Variants in NDUFA10 observed in about 807,000 individuals in gnomAD.
The protein encoded by NDUFA10 is NADH:ubiquinone oxidoreductase subunit A10.
A neutral mutation model predicts 47.8 loss-of-function variants in NDUFA10; 40 were observed. That is an observed-to-expected ratio of 0.84 (90% CI 0.65 to 1.09). The LOEUF (loss-of-function observed/expected upper bound fraction) is 1.09. Ranked by LOEUF, NDUFA10 falls within the 50% of genes least tolerant of loss-of-function variation. The pLI is 0.00. For synonymous variants in NDUFA10, 183 were observed against 172.2 expected (o/e 1.06, Z -0.49); for missense variants, 413 against 451.1 (o/e 0.92, Z 0.76).
chr2:239,900,844 A>G (rs539916202), intron 4 of NDUFA10, among the ~76,000 whole-genome samples: 7 of 152,386 alleles, frequency 4.6e-5, no homozygotes, highest in Non-Finnish European at 8.8e-5. Context: ...TGGAGCCAGC[A>G]GAGGTTGACT....
At chr2:239,915,063 AC>A (rs1403762901) in intron 4 of NDUFA10, among the ~76,000 whole-genome samples, 19 of 146,154 alleles carry the variant, frequency 1.3e-4, no homozygotes, top group Admixed American at 3.5e-4. Flanking sequence ...ACAGACACAC[AC>A]AAATATACAG....
chr2:240,007,721 G>A (rs1302476386), intron 6 of NDUFA10, among the ~76,000 whole-genome samples: 1 of 152,188 alleles, frequency 6.6e-6, no homozygotes, highest in African/African-American at 2.4e-5. Context: ...ACATACCATC[G>A]CCAAAGGCAG....
At position 240,000,925 on chromosome 2, in the gene NDUFA10, C is replaced by A. The variant is rs564220819; in HGVS notation, c.890+4285G>T. 3.3e-5 allele frequency among the ~76,000 whole-genome samples: 5 copies of A among 152,320 alleles called. 1 individual carries two copies. In the South Asian group the frequency reaches 1.0e-3, roughly 32 times the overall value. ...TATGATGTTTTCACGATGATGAAAT[C>A]GCCTAACGACACCTTTCTTAGAACA... On this transcript the variant is annotated intron_variant, in intron 8 of 9. Transcript: ENST00000252711.
At chr2:239,895,662 A>G (rs562935399) in intron 4 of NDUFA10, among the ~76,000 whole-genome samples, 2 of 152,302 alleles carry the variant, frequency 1.3e-5, no homozygotes, top group East Asian at 3.9e-4. Context: ...ATATTGTGCA[A>G]TGTCAGTTTT....
intron 4 of NDUFA10, among the ~76,000 whole-genome samples, chr2:239,937,837 C>G (rs1694289862): frequency 6.6e-6 from 1 of 152,166 alleles, no homozygotes; most frequent in Non-Finnish European, 1.5e-5. Context: ...TACCATCTAC[C>G]TTTTTATTAC....
intron 8 of NDUFA10, 69 bp downstream of exon 8, chr2:240,005,141 C>G: frequency 7.4e-7 from 1 of 1,358,272 alleles, no homozygotes; most frequent in Non-Finnish European, 1.1e-6. Flanking sequence ...TTATTTCAAA[C>G]TTCCCTAAGT....
intron 9 of NDUFA10, among the ~76,000 whole-genome samples, chr2:239,981,717 G>A (rs940859344): frequency 5.9e-5 from 9 of 152,106 alleles, no homozygotes; most frequent in African/African-American, 9.7e-5. Context: ...TGCATGCAAC[G>A]TCCTGGGCAT....
chr2:239,912,075 C>A (rs1227812553), intron 4 of NDUFA10, among the ~76,000 whole-genome samples: 1 of 152,178 alleles, frequency 6.6e-6, no homozygotes, highest in African/African-American at 2.4e-5. Flanking sequence ...CTCGTGCCCA[C>A]AGAACTTTCT....
Position 239,959,403 on chromosome 2 carries a change from T to C in NDUFA10, c.*1715A>G. 2 of 985,516 alleles carry C rather than the reference T, an allele frequency of 2.0e-6. No homozygotes were observed. The highest frequency in any genetic ancestry group is 2.4e-6 in the Non-Finnish European group (2 of 829,952). 61.0% of individuals were successfully genotyped at this position (985,516 alleles called of 1,614,324 possible). A position where few individuals can be genotyped will look rare whatever the true frequency, so the allele number is the denominator to read the frequency against. On this transcript the variant is annotated 3_prime_UTR_variant, in exon 10 of 10. Coordinates refer to ENST00000252711, the MANE Select transcript of NDUFA10 (RefSeq NM_004544.4). ...CCAAAGACATTAGGAACAGCTAAGA[T>C]AATTAAAGATGGCTTTCTTTTTCTT...
chr2:240,014,688 G>C, intron 5 of NDUFA10, 51 bp downstream of exon 5: 1 of 1,612,968 alleles, frequency 6.2e-7, no homozygotes, highest in East Asian at 2.2e-5. Context: ...TTTTAGTGCT[G>C]ATCTACATTC....
intron 4 of NDUFA10, 190 bp downstream of exon 4, chr2:240,018,363 C>G: frequency 6.6e-7 from 1 of 1,505,370 alleles, no homozygotes; most frequent in Non-Finnish European, 8.9e-7. Context: ...CAAAAGACAC[C>G]TATTTCAGGA....
chr2:240,014,954 G>C (rs577902260), intron 4 of NDUFA10, 94 bp from the exon 5 acceptor site: 1 of 1,553,988 alleles, frequency 6.4e-7, no homozygotes, highest in Non-Finnish European at 8.8e-7. Context: ...AAACATACAC[G>C]CAATTCTCAA....
intron 6 of NDUFA10, among the ~76,000 whole-genome samples, chr2:240,008,996 T>C (rs1333632593): frequency 6.6e-6 from 1 of 152,190 alleles, no homozygotes; most frequent in Non-Finnish European, 1.5e-5. Context: ...GAGTCAGGGA[T>C]CTGGAGGAAA....
intron 4 of NDUFA10, among the ~76,000 whole-genome samples, chr2:239,919,496 C>T (rs775128983): frequency 6.6e-5 from 10 of 151,072 alleles, no homozygotes; most frequent in East Asian, 3.9e-4. Context: ...ATTCCTAACA[C>T]GCAGTGGGCA....
intron 9 of NDUFA10, among the ~76,000 whole-genome samples, chr2:239,963,891 C>T (rs1430332158): frequency 3.9e-5 from 6 of 152,254 alleles, no homozygotes; most frequent in South Asian, 2.1e-4. Context: ...GGTGTGACCA[C>T]GCGTGACATA....
chr2:239,960,028 C>A lies in NDUFA10; in HGVS notation c.*1090G>T. ...GTGCCTGAACTATGGCCAGTGCAAC[C>A]AAGGAACCCAATTTTAAACTCTATT... On this transcript the variant is annotated 3_prime_UTR_variant, in exon 10 of 10. Coordinates refer to ENST00000252711, the MANE Select transcript of NDUFA10 (RefSeq NM_004544.4). 1.0e-6 allele frequency: 1 copy of A among 984,886 alleles called. No individual in the cohort carries two copies. The highest frequency in any genetic ancestry group is 1.2e-6 in the Non-Finnish European group (1 of 829,426). 61.0% of individuals were successfully genotyped at this position (984,886 alleles called of 1,614,324 possible). A position where few individuals can be genotyped will look rare whatever the true frequency, so the allele number is the denominator to read the frequency against.
chr2:239,919,300 G>T (rs1693928169), intron 4 of NDUFA10, among the ~76,000 whole-genome samples: 1 of 152,034 alleles, frequency 6.6e-6, no homozygotes, highest in South Asian at 2.1e-4. Flanking sequence ...TGCCCCCTTT[G>T]CACTGGGGCC....
At chr2:239,902,922 G>A (rs925473055) in intron 4 of NDUFA10, among the ~76,000 whole-genome samples, 45 of 152,290 alleles carry the variant, frequency 3.0e-4, no homozygotes, top group African/African-American at 6.7e-4. Flanking sequence ...TAATTAAAAC[G>A]AAGAGACAGC....
intron 4 of NDUFA10, among the ~76,000 whole-genome samples, chr2:239,917,765 T>C (rs1051613229): frequency 2.6e-5 from 4 of 152,332 alleles, no homozygotes; most frequent in East Asian, 3.9e-4. Flanking sequence ...CCAGGCCCAG[T>C]TTTCCAGATG....
Sources: allele counts gnomAD v4.1 joint callset (sites outside exome capture counted in the v4.1 genomes callset), GRCh38; gene constraint gnomAD v4.1.1; transcripts MANE v1.5; gene names NCBI Gene and HGNC (gene_info 2026-07-23, HGNC 2026-07-21).